Variants in ASAP1 observed in about 807,000 individuals in gnomAD.
ASAP1 encodes the protein arf-GAP with SH3 domain, ANK repeat and PH domain-containing protein 1.
A neutral mutation model predicts 145.2 loss-of-function variants in ASAP1; 43 were observed. That is an observed-to-expected ratio of 0.30 (90% CI 0.23 to 0.38). ASAP1 has a LOEUF of 0.38. ASAP1 is among the 10% of genes least tolerant of loss of function. ASAP1 has a pLI of 1.00. For synonymous variants in ASAP1, 546 were observed against 515.5 expected (o/e 1.06, Z -0.80); for missense variants, 1,018 against 1,355.3 (o/e 0.75, Z 3.91).
At chr8:130,327,979 T>TTA (rs1306786568) in intron 3 of ASAP1, among the ~76,000 whole-genome samples, 1 of 152,160 alleles carries the variant, frequency 6.6e-6, no homozygotes, top group Non-Finnish European at 1.5e-5. Context: ...AATGGCAGTT[T>TTA]TTAAGACAGG....
At chr8:130,407,932 A>G (rs1279819316) in intron 1 of ASAP1, among the ~76,000 whole-genome samples, 1 of 152,272 alleles carries the variant, frequency 6.6e-6, no homozygotes, top group African/African-American at 2.4e-5. Context: ...CAAACCAAGC[A>G]CTTTTCCTAT....
chr8:130,371,696 G>C (rs933682133), intron 2 of ASAP1, among the ~76,000 whole-genome samples: 5 of 152,180 alleles, frequency 3.3e-5, no homozygotes, highest in African/African-American at 4.8e-5. Flanking sequence ...AACCATTTGG[G>C]ATCCTAAAGC....
chr8:130,392,684 T>G (rs953816569), intron 2 of ASAP1, among the ~76,000 whole-genome samples: 5 of 152,192 alleles, frequency 3.3e-5, no homozygotes, highest in African/African-American at 4.8e-5. Context: ...CTCTTGGTTC[T>G]GCAGGTTGCA....
At chr8:130,324,532 G>C (rs1446875806) in intron 3 of ASAP1, among the ~76,000 whole-genome samples, 1 of 152,138 alleles carries the variant, frequency 6.6e-6, no homozygotes, top group Non-Finnish European at 1.5e-5. Context: ...ACTTGGGCAA[G>C]TACTTAGAAA....
intron 2 of ASAP1, among the ~76,000 whole-genome samples, chr8:130,395,755 C>T (rs1828500207): frequency 6.6e-6 from 1 of 152,006 alleles, no homozygotes; most frequent in African/African-American, 2.4e-5. Context: ...CAACCTCCAC[C>T]TCCCAGGTTC....
chr8:130,152,882 A>C, intron 12 of ASAP1, 77 bp from the exon 13 acceptor site: 1 of 1,099,056 alleles, frequency 9.1e-7, no homozygotes, highest in Non-Finnish European at 1.3e-6. Context: ...TATGATACAT[A>C]ATAATAATTA....
At chr8:130,417,176 A>T (rs1384457317) in intron 1 of ASAP1, among the ~76,000 whole-genome samples, 1 of 87,258 alleles carries the variant, frequency 1.1e-5, no homozygotes, top group African/African-American at 3.6e-5. Context: ...ACACACAGAA[A>T]ACAACCCACG....
chr8:130,230,363 A>T (rs1180317639), intron 4 of ASAP1, among the ~76,000 whole-genome samples: 1 of 152,176 alleles, frequency 6.6e-6, no homozygotes, highest in Non-Finnish European at 1.5e-5. Flanking sequence ...CCAAAAATTG[A>T]AACTTCCTAA....
chr8:130,236,167 G>A (rs1186690910), intron 4 of ASAP1, among the ~76,000 whole-genome samples: 2 of 152,090 alleles, frequency 1.3e-5, no homozygotes, highest in Admixed American at 1.3e-4. Flanking sequence ...TTAAGTTACA[G>A]ACCACTGATT....
In ASAP1 at chr8:130,220,763, C is replaced by T. The variant is rs536027611; in HGVS notation, c.260-6062G>A. On this transcript the variant is annotated intron_variant, in intron 4 of 29. Coordinates refer to ENST00000518721, the MANE Select transcript of ASAP1 (RefSeq NM_018482.4). ...TTTAATTGACTCAGTTCAGCCATGG[C>T]TGAGGAGGGCCTCAGGAAACTTAGA... Among the ~76,000 whole-genome samples, 51 of 152,264 alleles carry T rather than the reference C, an allele frequency of 3.3e-4. No homozygotes were observed. The South Asian group carries it at 5.4e-3, about 16-fold the overall frequency.
At chr8:130,211,188 A>AG (rs796945896) in intron 5 of ASAP1, among the ~76,000 whole-genome samples, 2 of 152,262 alleles carry the variant, frequency 1.3e-5, no homozygotes, top group African/African-American at 4.8e-5. Context: ...AATGTGGAGG[A>AG]GGGGGGAGTA....
chr8:130,314,690 A>G (rs1823562267), intron 3 of ASAP1, among the ~76,000 whole-genome samples: 1 of 152,276 alleles, frequency 6.6e-6, no homozygotes, highest in South Asian at 2.1e-4. Context: ...CGTGCTTCAC[A>G]GGGTCAGGAT....
intron 15 of ASAP1, among the ~76,000 whole-genome samples, chr8:130,130,678 C>G (rs913128173): frequency 6.6e-6 from 1 of 152,198 alleles, no homozygotes; most frequent in Admixed American, 6.5e-5. Flanking sequence ...AGCTTATCCT[C>G]TCAAAATCCT....
chr8:130,233,869 A>G (rs1346448195), intron 4 of ASAP1, among the ~76,000 whole-genome samples: 2 of 152,238 alleles, frequency 1.3e-5, no homozygotes, highest in East Asian at 3.8e-4. Flanking sequence ...TGACAAATGC[A>G]TAAACTACAA....
intron 13 of ASAP1, among the ~76,000 whole-genome samples, chr8:130,139,254 T>C (rs1436541935): frequency 6.6e-6 from 1 of 151,996 alleles, no homozygotes; most frequent in East Asian, 1.9e-4. Context: ...TATATGAAGG[T>C]TGTTATTGGG....
At chr8:130,198,069 A>G (rs1274541390) in intron 5 of ASAP1, among the ~76,000 whole-genome samples, 1 of 151,874 alleles carries the variant, frequency 6.6e-6, no homozygotes, top group African/African-American at 2.4e-5. Flanking sequence ...TACTGAGGCT[A>G]GGGGTTTGGC....
rs562069915 is a variant in ASAP1, at chr8:130,437,447, G to C, written c.-28+6013C>G. ...AAGTCAGTATGGTCAGTGCAAAAGA[G>C]AAGGACAGGTGGTGACTACAGTAGA... On this transcript the variant is annotated intron_variant, in intron 1 of 29. Coordinates refer to ENST00000518721, the MANE Select transcript of ASAP1 (RefSeq NM_018482.4). 2.6e-5 allele frequency among the ~76,000 whole-genome samples: 4 copies of C among 152,218 alleles called. No individual in the cohort carries two copies. In the South Asian group the frequency reaches 8.3e-4, roughly 32 times the overall value.
intron 1 of ASAP1, among the ~76,000 whole-genome samples, chr8:130,432,390 G>T (rs1830168775): frequency 6.6e-6 from 1 of 152,106 alleles, no homozygotes; most frequent in African/African-American, 2.4e-5. Context: ...GACTGTGAAA[G>T]TATAAAGGTT....
chr8:130,158,518 C>T (rs1456850694), intron 12 of ASAP1, among the ~76,000 whole-genome samples: 1 of 151,944 alleles, frequency 6.6e-6, no homozygotes, highest in Non-Finnish European at 1.5e-5. Context: ...CCTGTCCCCT[C>T]CCTCCAAAAA....
Sources: gnomAD v4.1 joint callset for allele counts (sites outside exome capture counted in the v4.1 genomes callset) on GRCh38, gnomAD v4.1.1 for gene constraint, MANE v1.5 for transcripts, NCBI Gene and HGNC (gene_info 2026-07-23, HGNC 2026-07-21) for gene names.